Variants in RAB39A observed in about 807,000 individuals in gnomAD.
RAB39A encodes ras-related protein Rab-39A.
Under a neutral mutation model 20.9 loss-of-function variants are expected in RAB39A, and 17 were observed. The observed-to-expected ratio is 0.81, with a 90% CI of 0.56 to 1.22. The LOEUF (loss-of-function observed/expected upper bound fraction) is 1.22, where lower values mean the gene tolerates loss of function less well. RAB39A is among the 50% of genes most tolerant of loss of function. The pLI, the probability that RAB39A is intolerant of heterozygous loss-of-function variation, is 0.00. For synonymous variants in RAB39A, 99 were observed against 103.4 expected (o/e 0.96, Z 0.26); for missense variants, 234 against 270.5 (o/e 0.87, Z 0.95).
chr11:107,948,830 T>G (rs2134966003), intron 1 of RAB39A, among the ~76,000 whole-genome samples: 1 of 152,248 alleles, frequency 6.6e-6, no homozygotes, highest in Admixed American at 6.5e-5. Context: ...TCACCTTAAT[T>G]TTAGTAAGGT....
rs369739015 is a variant in RAB39A at position 107,946,308 on chromosome 11, C to CTATATATATA, written c.228-15629_228-15620dup. On this transcript the variant is annotated intron_variant, in intron 1 of 1. Transcript: ENST00000320578. ...ATTGCAACCATAAAGGAACAGGATA[C>CTATATATATA]TATATATATATATATATACACACAC... Among the ~76,000 whole-genome samples, 764 of 94,226 alleles carry CTATATATATA rather than the reference C, an allele frequency of 8.1e-3. 18 individuals carry two copies. The highest frequency in any genetic ancestry group is 0.027 in the African/African-American group (718 of 26,608). 61.8% of individuals were successfully genotyped at this position (94,226 alleles called of 152,430 possible). A position where few individuals can be genotyped will look rare whatever the true frequency, so the allele number is the denominator to read the frequency against.
chr11:107,928,539 C>T lies in RAB39A; in HGVS notation c.-30C>T. The T allele has an allele frequency of 6.4e-6, 9 of 1,401,486 alleles. No individual in the cohort carries two copies. The highest frequency in any genetic ancestry group is 2.3e-5 in the Admixed American group (1 of 42,620). 86.8% of individuals were successfully genotyped at this position (1,401,486 alleles called of 1,614,324 possible). A position where few individuals can be genotyped will look rare whatever the true frequency, so the allele number is the denominator to read the frequency against. ...CGCCGAACTTAGCCCGCGGGTGGGG[C>T]GGCCCGGGAGCCAGCGGGGCACGTG... On this transcript the variant is annotated 5_prime_UTR_variant, in exon 1 of 2. Coordinates refer to ENST00000320578, the MANE Select transcript of RAB39A (RefSeq NM_017516.3). This position sits in a 1 kb window ranked among gnomAD's most constrained non-coding sequence, Gnocchi z 4.9.
At chr11:107,960,787 C>T (rs116215146) in intron 1 of RAB39A, among the ~76,000 whole-genome samples, 286 of 152,242 alleles carry the variant, frequency 1.9e-3, no homozygotes, top group African/African-American at 6.6e-3. Context: ...CCTACAGAAA[C>T]CCTGACTAGA....
At chr11:107,952,888 AT>A (rs2134969726) in intron 1 of RAB39A, among the ~76,000 whole-genome samples, 1 of 152,340 alleles carries the variant, frequency 6.6e-6, no homozygotes, top group South Asian at 2.1e-4. Context: ...TCTCAAAAAA[AT>A]AAATAAAAAT....
At chr11:107,940,930 G>T (rs924508146) in intron 1 of RAB39A, among the ~76,000 whole-genome samples, 3 of 151,762 alleles carry the variant, frequency 2.0e-5, no homozygotes, top group East Asian at 3.9e-4. Context: ...CCGAGATCAC[G>T]CCACTGCCTT....
intron 1 of RAB39A, among the ~76,000 whole-genome samples, chr11:107,945,466 G>T (rs1026105627): frequency 6.6e-6 from 1 of 151,948 alleles, no homozygotes; most frequent in Non-Finnish European, 1.5e-5. Context: ...AAGGAAAACA[G>T]GTAGGAGCCA....
intron 1 of RAB39A, among the ~76,000 whole-genome samples, chr11:107,958,769 T>C (rs796297787): frequency 3.6e-4 from 55 of 152,296 alleles, no homozygotes; most frequent in African/African-American, 1.3e-3. Flanking sequence ...TTAAATACAA[T>C]CAGTTAATAG....
At chr11:107,957,890 CTTT>C (rs201707604) in intron 1 of RAB39A, among the ~76,000 whole-genome samples, 1 of 149,574 alleles carries the variant, frequency 6.7e-6, no homozygotes, top group Admixed American at 6.7e-5. Context: ...TTCAGGGAGA[CTTT>C]TTTTTTTCTT....
chr11:107,933,998 T>C (rs948398931), intron 1 of RAB39A, among the ~76,000 whole-genome samples: 3 of 152,174 alleles, frequency 2.0e-5, no homozygotes, highest in African/African-American at 4.8e-5. Flanking sequence ...CAAGTAAGTT[T>C]GGAAATCCCT....
rs766719712 is a variant in RAB39A, at chr11:107,962,111, A to G, written c.393A>G (p.Leu131=). ...TGCTAGTGGGACATAAATGTGATTT[A>G]GCTTCACAACGTCAAGTTACAAGGG... ...VFLLVGHKCD[L]ASQRQVTREE... is the part of the protein sequence containing the mutation. The change falls in exon 2 of 2, where the codon TTA becomes TTG. Residue 131 remains leucine, a synonymous_variant. Transcript: ENST00000320578. 1 of 1,614,190 alleles carries G rather than the reference A, an allele frequency of 6.2e-7. No individual in the cohort carries two copies. Among genetic ancestry groups the G allele is most frequent in the Middle Eastern group, 1.7e-4 (1 of 6,060 alleles).
At position 107,939,876 on chromosome 11, in the gene RAB39A, G is replaced by A. The variant is rs1013149773; in HGVS notation, c.227+11081G>A. Among the ~76,000 whole-genome samples, 18 of 152,234 alleles carry A rather than the reference G, an allele frequency of 1.2e-4. 1 individual carries two copies. Among genetic ancestry groups the A allele is most frequent in the Admixed American group, 8.5e-4 (13 of 15,278 alleles). ...GCTTTCAAAACAAGGGCTAGAAAAAGTTAAAGATATGGTTGTGAGTCCATG... is the reference window on the plus strand; with the variant it reads ...GCTTTCAAAACAAGGGCTAGAAAAAATTAAAGATATGGTTGTGAGTCCATG... On this transcript the variant is annotated intron_variant, in intron 1 of 1. Transcript: ENST00000320578.
intron 1 of RAB39A, among the ~76,000 whole-genome samples, chr11:107,941,018 G>A (rs1178203754): frequency 2.0e-5 from 3 of 151,938 alleles, no homozygotes; most frequent in African/African-American, 4.8e-5. Flanking sequence ...CCTATTATAA[G>A]TTAGGTAGAT....
intron 1 of RAB39A, among the ~76,000 whole-genome samples, chr11:107,946,343 C>CATAT (rs1555097274): frequency 1.7e-5 from 2 of 118,434 alleles, no homozygotes; most frequent in African/African-American, 6.5e-5. Context: ...CACACACACA[C>CATAT]ATATATATAC....
chr11:107,954,718 A>T (rs1219188321), intron 1 of RAB39A, among the ~76,000 whole-genome samples: 1 of 152,118 alleles, frequency 6.6e-6, no homozygotes, highest in Non-Finnish European at 1.5e-5. Flanking sequence ...ATGAGTTGAG[A>T]GGGTGCTGTA....
chr11:107,943,201 A>G lies in RAB39A; in HGVS notation c.227+14406A>G, dbSNP rs575729119. ...GGGCACATACTGAATGTGATGTTCT[A>G]AAGCTTCATAAGTACTATGAAATAG... On this transcript the variant is annotated intron_variant, in intron 1 of 1. Transcript: ENST00000320578. Among the ~76,000 whole-genome samples the G allele has an allele frequency of 2.6e-5, 4 of 152,294 alleles. No homozygotes were observed. In the East Asian group the frequency reaches 7.7e-4, roughly 29 times the overall value.
chr11:107,931,155 T>C (rs994921954), intron 1 of RAB39A, among the ~76,000 whole-genome samples: 2 of 152,016 alleles, frequency 1.3e-5, no homozygotes, highest in Non-Finnish European at 2.9e-5. Flanking sequence ...TTTGTATTTT[T>C]AGTAGAGACG....
At chr11:107,956,198 C>T (rs1276288063) in intron 1 of RAB39A, among the ~76,000 whole-genome samples, 5 of 152,186 alleles carry the variant, frequency 3.3e-5, no homozygotes, top group Admixed American at 1.3e-4. Flanking sequence ...ATCTCTTTCC[C>T]TCAAACTTCC....
At chr11:107,940,204 A>AC (rs1861245049) in intron 1 of RAB39A, among the ~76,000 whole-genome samples, 1 of 152,144 alleles carries the variant, frequency 6.6e-6, no homozygotes, top group Non-Finnish European at 1.5e-5. Flanking sequence ...TGAGGTACAC[A>AC]CACAGACACA....
intron 1 of RAB39A, among the ~76,000 whole-genome samples, chr11:107,939,613 G>GA (rs971393310): frequency 6.9e-4 from 44 of 63,996 alleles, no homozygotes; most frequent in South Asian, 7.9e-4. Flanking sequence ...CCATCTCAAA[G>GA]AAAAAAAAAA....
Sources: gnomAD v4.1 joint callset for allele counts (sites outside exome capture counted in the v4.1 genomes callset) on GRCh38, gnomAD v4.1.1 for gene constraint, Gnocchi (gnomAD v3.1) non-coding constraint, MANE v1.5 for transcripts, NCBI Gene and HGNC (gene_info 2026-07-23, HGNC 2026-07-21) for gene names.